Variants in C1orf94 observed in about 807,000 individuals in gnomAD.
C1orf94 encodes uncharacterized protein C1orf94.
In C1orf94, 45 loss-of-function variants were observed where a neutral mutation model predicts 53.6. The ratio of observed to expected loss-of-function variants is 0.84; its 90% confidence interval spans 0.66 to 1.08. The LOEUF is 1.08. C1orf94 is among the 50% of genes least tolerant of loss of function. The pLI is 0.00. For synonymous variants in C1orf94, 304 were observed against 296.1 expected, an observed-to-expected ratio of 1.03 and a Z score of -0.27; for missense variants, 762 against 738.9, an observed-to-expected ratio of 1.03 and a Z score of -0.36.
intron 6 of C1orf94, 99 bp from the exon 7 acceptor site, chr1:34,218,587 A>G: frequency 1.1e-6 from 1 of 944,008 alleles, no homozygotes. Flanking sequence ...CATGGTCTTC[A>G]CTGTTTCTGA....
At chr1:34,213,353 A>T (rs1250895889) in intron 6 of C1orf94, among the ~76,000 whole-genome samples, 1 of 152,206 alleles carries the variant, frequency 6.6e-6, no homozygotes, top group Non-Finnish European at 1.5e-5. Flanking sequence ...TGAAAGGGAT[A>T]AATGCAGCAA....
At chr1:34,202,292 T>G in intron 4 of C1orf94, 33 bp downstream of exon 4, 3 of 1,603,700 alleles carry the variant, frequency 1.9e-6, no homozygotes, top group Non-Finnish European at 2.6e-6. Flanking sequence ...CCTGTGGACA[T>G]CCACGGGGGT....
intron 1 of C1orf94, among the ~76,000 whole-genome samples, chr1:34,181,174 T>A (rs1463678576): frequency 1.3e-5 from 2 of 152,194 alleles, no homozygotes; most frequent in African/African-American, 4.8e-5. Context: ...CGATACCCCT[T>A]TGGATAGTGA....
At chr1:34,211,857 G>T (rs781257221) in intron 5 of C1orf94, among the ~76,000 whole-genome samples, 1 of 152,106 alleles carries the variant, frequency 6.6e-6, no homozygotes, top group Non-Finnish European at 1.5e-5. Context: ...TTTTGAGATG[G>T]TTATTGACAG....
chr1:34,174,879 G>T (rs369238649), upstream of C1orf94, among the ~76,000 whole-genome samples: 2 of 152,142 alleles, frequency 1.3e-5, no homozygotes, highest in Admixed American at 1.3e-4. Flanking sequence ...AGGGACTCTG[G>T]TTCCCGAGAA....
In C1orf94 at chr1:34,202,223, A is replaced by G. The variant is rs1642721712; in HGVS notation, c.1410A>G (p.Pro470=). Residue 470 remains proline, a synonymous_variant, in exon 4 of 7, where the codon CCA becomes CCG. Transcript: ENST00000488417. Reference sequence around the variant, plus strand: ...TCAACCTGAACTATCCACCTCCACCAGTGTTCACGAATCACTCTACCTTCT... The same window carrying G: ...TCAACCTGAACTATCCACCTCCACCGGTGTTCACGAATCACTCTACCTTCT... ...LWLNLNYPPP[P]VFTNHSTFLQ... is the part of the protein sequence containing the mutation. The G allele has an allele frequency of 1.2e-6, 2 of 1,614,070 alleles. No individual in the cohort carries two copies. Among genetic ancestry groups the G allele is most frequent in the Non-Finnish European group, 1.7e-6 (2 of 1,180,034 alleles).
chr1:34,178,378 C>G (rs897066168), intron 1 of C1orf94, among the ~76,000 whole-genome samples: 1 of 152,218 alleles, frequency 6.6e-6, no homozygotes, highest in Non-Finnish European at 1.5e-5. Flanking sequence ...GCATGTGAAT[C>G]TGAGGTCCTT....
At chr1:34,213,991 T>C (rs1381613822) in intron 6 of C1orf94, among the ~76,000 whole-genome samples, 3 of 152,320 alleles carry the variant, frequency 2.0e-5, no homozygotes, top group African/African-American at 7.2e-5. Flanking sequence ...GGAAACGCTG[T>C]GTTGACACAT....
intron 6 of C1orf94, among the ~76,000 whole-genome samples, chr1:34,213,298 C>T (rs1642925799): frequency 6.6e-6 from 1 of 152,168 alleles, no homozygotes; most frequent in South Asian, 2.1e-4. Flanking sequence ...ACCCATGTCC[C>T]CAAACTCTCA....
intron 4 of C1orf94, among the ~76,000 whole-genome samples, chr1:34,204,971 A>G (rs566564216): frequency 6.6e-6 from 1 of 152,380 alleles, no homozygotes; most frequent in South Asian, 2.1e-4. Context: ...AAACAACTGC[A>G]TAATTCATTT....
chr1:34,193,800 T>C (rs1021437465), intron 1 of C1orf94, among the ~76,000 whole-genome samples: 1 of 152,186 alleles, frequency 6.6e-6, no homozygotes, highest in African/African-American at 2.4e-5. Context: ...AAATATTAAT[T>C]GTAGAGGCTG....
chr1:34,217,997 T>C (rs1027881699), intron 6 of C1orf94, among the ~76,000 whole-genome samples: 1 of 152,212 alleles, frequency 6.6e-6, no homozygotes, highest in African/African-American at 2.4e-5. Context: ...CAGGGAAGTC[T>C]TCACAGAGGA....
At chr1:34,181,421 C>G (rs1219686022) in intron 1 of C1orf94, among the ~76,000 whole-genome samples, 1 of 152,226 alleles carries the variant, frequency 6.6e-6, no homozygotes, top group Admixed American at 6.5e-5. Flanking sequence ...ACAACCAATA[C>G]TACACTCACT....
At chr1:34,203,423 G>A (rs1008164484) in intron 4 of C1orf94, among the ~76,000 whole-genome samples, 4 of 152,050 alleles carry the variant, frequency 2.6e-5, no homozygotes, top group Non-Finnish European at 5.9e-5. Context: ...CACCGCACCC[G>A]GCCCTCAAAT....
upstream of C1orf94, among the ~76,000 whole-genome samples, chr1:34,172,396 T>C (rs1642158103): frequency 6.6e-6 from 1 of 152,142 alleles, no homozygotes; most frequent in Non-Finnish European, 1.5e-5. Context: ...TTATTGAGAG[T>C]TTACCATAAG....
At chr1:34,182,232 T>G (rs1380907811) in intron 1 of C1orf94, among the ~76,000 whole-genome samples, 1 of 151,770 alleles carries the variant, frequency 6.6e-6, no homozygotes, top group East Asian at 1.9e-4. Flanking sequence ...GCAAAGACTG[T>G]GAGGTGGGAG....
intron 5 of C1orf94, among the ~76,000 whole-genome samples, chr1:34,208,791 G>T (rs771114228): frequency 1.3e-5 from 2 of 152,112 alleles, no homozygotes; most frequent in African/African-American, 2.4e-5. Context: ...GATGGCAAGA[G>T]CCCAACAGGG....
At chr1:34,173,850 A>T (rs1377992212), upstream of C1orf94, among the ~76,000 whole-genome samples, 4 of 152,220 alleles carry the variant, frequency 2.6e-5, no homozygotes, top group Non-Finnish European at 5.9e-5. Context: ...TTTAAACTCT[A>T]AAAAAGACAG....
chr1:34,206,714 C>T (rs1642800381), intron 4 of C1orf94, among the ~76,000 whole-genome samples: 1 of 152,186 alleles, frequency 6.6e-6, no homozygotes, highest in Admixed American at 6.5e-5. Flanking sequence ...TAAGGCAACA[C>T]CATCAGTCTC....
Sources: gnomAD v4.1 joint callset for allele counts (sites outside exome capture counted in the v4.1 genomes callset) on GRCh38, gnomAD v4.1.1 for gene constraint, MANE v1.5 for transcripts, NCBI Gene and HGNC (gene_info 2026-07-23, HGNC 2026-07-21) for gene names.